CCDC18: variants seen among roughly 807,000 people sequenced by gnomAD.
The protein encoded by CCDC18 is coiled-coil domain containing 18.
CCDC18 carries 157 observed loss-of-function variants against 196.0 expected under a neutral mutation model. That is an observed-to-expected ratio of 0.80 (90% CI 0.70 to 0.91). The LOEUF (loss-of-function observed/expected upper bound fraction) is 0.91. Ranked by LOEUF, CCDC18 falls within the 40% of genes least tolerant of loss-of-function variation. The pLI, the probability that CCDC18 is intolerant of heterozygous loss-of-function variation, is 0.00. For missense variants in CCDC18, 1,465 were observed against 1,611.6 expected (o/e 0.91, Z 1.56); for synonymous variants, 482 against 529.2 (o/e 0.91, Z 1.22).
intron 28 of CCDC18, among the ~76,000 whole-genome samples, chr1:93,277,891 AT>A (rs1345037320): frequency 6.6e-6 from 1 of 151,976 alleles, no homozygotes; most frequent in Non-Finnish European, 1.5e-5. Context: ...TGTTATATTT[AT>A]GTTCCTTTTT....
intron 21 of CCDC18, among the ~76,000 whole-genome samples, chr1:93,240,105 A>G (rs1050093014): frequency 6.6e-6 from 1 of 152,162 alleles, no homozygotes; most frequent in Non-Finnish European, 1.5e-5. Flanking sequence ...AGACCATTTT[A>G]TACTAGCCCT....
chr1:93,243,522 A>G (rs1661101229), intron 21 of CCDC18, among the ~76,000 whole-genome samples: 1 of 152,046 alleles, frequency 6.6e-6, no homozygotes, highest in Non-Finnish European at 1.5e-5. Context: ...CATTTTCCCC[A>G]TTGTCTTGGG....
Position 93,222,530 on chromosome 1 carries a change from C to A in CCDC18, c.2175+594C>A, listed in dbSNP as rs373432470. 1.7e-4 allele frequency among the ~76,000 whole-genome samples: 26 copies of A among 152,234 alleles called. 1 individual carries two copies. In the South Asian group the frequency reaches 5.4e-3, roughly 32 times the overall value. ...ATTAATTGAGATAAAGCCAGAATTT[C>A]TAGCTAAAATACGGCTTTCTGGCTA... On this transcript the variant is annotated intron_variant, in intron 16 of 28. Coordinates refer to ENST00000690025, the MANE Select transcript of CCDC18 (RefSeq NM_001378204.1).
chr1:93,219,038 A>G (rs1041184051), intron 14 of CCDC18, among the ~76,000 whole-genome samples: 1 of 152,192 alleles, frequency 6.6e-6, no homozygotes, highest in Non-Finnish European at 1.5e-5. Context: ...CCTTATTTGC[A>G]GTAAATGACT....
intron 5 of CCDC18, 96 bp downstream of exon 5, chr1:93,192,202 C>T (rs1351635359): frequency 5.1e-6 from 4 of 790,832 alleles, no homozygotes; most frequent in African/African-American, 1.8e-5. Context: ...AATAAATTTA[C>T]AGTAACCTAA....
chr1:93,240,036 C>A, intron 21 of CCDC18, 140 bp downstream of exon 21: 1 of 626,528 alleles, frequency 1.6e-6, no homozygotes, highest in Non-Finnish European at 2.8e-6. Context: ...CTATCCCATG[C>A]CTTATCTAAC....
At chr1:93,197,782 C>A in intron 6 of CCDC18, among the ~76,000 whole-genome samples, 1 of 124,372 alleles carries the variant, frequency 8.0e-6, no homozygotes, top group East Asian at 2.4e-4. Context: ...GACAGAGTCT[C>A]GCTCTGTCGC....
chr1:93,188,774 C>T (rs974016484), intron 4 of CCDC18, among the ~76,000 whole-genome samples: 1 of 152,024 alleles, frequency 6.6e-6, no homozygotes, highest in African/African-American at 2.4e-5. Context: ...TATTTGAGAG[C>T]CCTTTCAGGC....
chr1:93,246,167 A>G lies in CCDC18; in HGVS notation c.3044A>G (p.Lys1015Arg), dbSNP rs367570621. Residue 1015 changes from lysine to arginine, a missense_variant, in exon 22 of 29, where the codon AAA becomes AGA. Coordinates refer to ENST00000690025, the MANE Select transcript of CCDC18 (RefSeq NM_001378204.1). Reference protein sequence around the residue: ...QELLEMDQALKERNWELKQRA... With the variant: ...QELLEMDQALRERNWELKQRA... ...CTCCTTGAAATGGATCAGGCACTTA[A>G]AGAGAGAAATTGGGAACTAAAGCAA... is the stretch of plus-strand genomic sequence containing the variant. 1.7e-4 allele frequency: 267 copies of G among 1,605,748 alleles called. No individual in the cohort carries two copies. Among genetic ancestry groups the G allele is most frequent in the Non-Finnish European group, 2.2e-4 (256 of 1,176,352 alleles).
chr1:93,228,648 T>C (rs943422477), intron 17 of CCDC18, among the ~76,000 whole-genome samples: 2 of 151,018 alleles, frequency 1.3e-5, no homozygotes, highest in Non-Finnish European at 2.9e-5. Context: ...CTAAACTGTA[T>C]GTACTTGGAT....
At chr1:93,254,655 C>T in intron 24 of CCDC18, 41 bp downstream of exon 24, 1 of 1,546,708 alleles carries the variant, frequency 6.5e-7, no homozygotes, top group Non-Finnish European at 8.8e-7. Context: ...GTGGTAGTCT[C>T]TGTTGAGTGA....
intron 6 of CCDC18, among the ~76,000 whole-genome samples, chr1:93,198,490 G>A (rs1653179017): frequency 6.6e-6 from 1 of 152,062 alleles, no homozygotes; most frequent in African/African-American, 2.4e-5. Context: ...GGTACACAGG[G>A]GTGCTGGAAG....
chr1:93,190,977 C>A, intron 4 of CCDC18: 1 of 1,004,388 alleles, frequency 1.0e-6, no homozygotes, highest in South Asian at 1.3e-5. Flanking sequence ...AATCCTTGCC[C>A]TTCTTGTACT....
rs569592845 is a variant in CCDC18 at position 93,228,770 on chromosome 1, A to G, written c.2292+2321A>G. Among the ~76,000 whole-genome samples, 6 of 152,138 alleles carry G rather than the reference A, an allele frequency of 3.9e-5. 1 individual carries two copies. In the South Asian group the frequency reaches 8.3e-4, roughly 21 times the overall value. On this transcript the variant is annotated intron_variant, in intron 17 of 28. Coordinates refer to ENST00000690025, the MANE Select transcript of CCDC18 (RefSeq NM_001378204.1). ...ACTGCCCATACCCACACTCCGCTTCATAATAAATAGACTTGGCAGAGATGG... is the reference window on the plus strand; with the variant it reads ...ACTGCCCATACCCACACTCCGCTTCGTAATAAATAGACTTGGCAGAGATGG...
intron 16 of CCDC18, among the ~76,000 whole-genome samples, chr1:93,224,536 G>T (rs1300014177): frequency 6.6e-6 from 1 of 152,176 alleles, no homozygotes; most frequent in Non-Finnish European, 1.5e-5. Flanking sequence ...ATCTAGCCAT[G>T]CCCCAGACCT....
At chr1:93,245,136 A>G (rs1661322202) in intron 21 of CCDC18, among the ~76,000 whole-genome samples, 1 of 152,240 alleles carries the variant, frequency 6.6e-6, no homozygotes, top group Non-Finnish European at 1.5e-5. Context: ...GAACCCTGGC[A>G]TATAGGAAAC....
At chr1:93,194,061 G>A (rs1003615171) in intron 6 of CCDC18, among the ~76,000 whole-genome samples, 2 of 151,822 alleles carry the variant, frequency 1.3e-5, no homozygotes, top group Non-Finnish European at 1.5e-5. Flanking sequence ...AATACTAACA[G>A]GGAAAAAGCC....
chr1:93,219,440 C>T (rs1657053333), intron 14 of CCDC18, among the ~76,000 whole-genome samples: 1 of 152,126 alleles, frequency 6.6e-6, no homozygotes, highest in Non-Finnish European at 1.5e-5. Context: ...CATCACTACT[C>T]TTTTGCTTTG....
At chr1:93,265,022 A>G in intron 27 of CCDC18, 121 bp downstream of exon 27, 2 of 647,366 alleles carry the variant, frequency 3.1e-6, no homozygotes, top group South Asian at 2.0e-5. Context: ...TTGAATAAAA[A>G]CCATTTGATT....
Sources: allele counts gnomAD v4.1 joint callset (sites outside exome capture counted in the v4.1 genomes callset), GRCh38; gene constraint gnomAD v4.1.1; transcripts MANE v1.5; gene names NCBI Gene and HGNC (gene_info 2026-07-23, HGNC 2026-07-21).